Variants in ASB7 observed in about 807,000 individuals in gnomAD.
The protein encoded by ASB7 is ankyrin repeat and SOCS box protein 7.
Under a neutral mutation model 32.5 loss-of-function variants are expected in ASB7, and 4 were observed. The observed-to-expected ratio is 0.12, with a 90% CI of 0.06 to 0.28. ASB7 has a LOEUF of 0.28. Ranked by LOEUF, ASB7 falls within the 10% of genes least tolerant of loss-of-function variation. The pLI, the probability that ASB7 is intolerant of heterozygous loss-of-function variation, is 1.00. For missense variants in ASB7, 181 were observed against 407.1 expected, an observed-to-expected ratio of 0.44 and a Z score of 4.78; for synonymous variants, 172 against 155.6, an observed-to-expected ratio of 1.11 and a Z score of -0.78.
intron 4 of ASB7, among the ~76,000 whole-genome samples, chr15:100,614,236 T>G (rs1324440942): frequency 6.8e-6 from 1 of 146,142 alleles, no homozygotes. Context: ...ATCATGCCAC[T>G]GCACTCCTGC....
chr15:100,620,149 C>T (rs1054573527), intron 4 of ASB7, among the ~76,000 whole-genome samples: 6 of 152,134 alleles, frequency 3.9e-5, no homozygotes, highest in Non-Finnish European at 7.3e-5. Flanking sequence ...TACTCAAGTC[C>T]GTGGTAGAAA....
intron 4 of ASB7, 187 bp downstream of exon 4, chr15:100,612,614 G>A (rs2039707054): frequency 1.6e-6 from 1 of 630,758 alleles, no homozygotes; most frequent in East Asian, 2.8e-5. Context: ...TAAAAGATCA[G>A]TTTTATGAAT....
intron 3 of ASB7, among the ~76,000 whole-genome samples, chr15:100,610,507 G>A (rs200696916): frequency 1.4e-5 from 2 of 142,580 alleles, no homozygotes; most frequent in African/African-American, 2.6e-5. Flanking sequence ...AAAAAAAAAA[G>A]AGGCAATCTT....
intron 5 of ASB7, among the ~76,000 whole-genome samples, chr15:100,636,103 T>C (rs1285160320): frequency 1.3e-5 from 2 of 152,210 alleles, no homozygotes; most frequent in African/African-American, 4.8e-5. Context: ...ACCATTTCAG[T>C]GTTCGTCAAA....
chr15:100,613,820 C>G (rs1405579529), intron 4 of ASB7, among the ~76,000 whole-genome samples: 6 of 152,152 alleles, frequency 3.9e-5, no homozygotes, highest in Admixed American at 1.3e-4. Context: ...TCAAATGAAG[C>G]AAATCTTCAG....
At position 100,648,425 on chromosome 15, in the gene ASB7, T is replaced by C. The variant is rs753785778; in HGVS notation, c.920T>C (p.Met307Thr). The C allele has an allele frequency of 1.3e-5, 21 of 1,609,946 alleles. No individual in the cohort carries two copies. In the African/African-American group the frequency reaches 2.8e-4, roughly 22 times the overall value. ...LLDELPIAKV[M>T]KDYLKHKFDD... ...GATGAACTACCAATTGCCAAGGTCA[T>C]GAAAGACTACTTAAAACACAAATTT... is the stretch of plus-strand genomic sequence containing the variant. The change falls in exon 6 of 6, where the codon ATG (methionine) becomes ACG (threonine). Residue 307 changes from methionine to threonine, a missense_variant. By Grantham distance (81) the Met-to-Thr change is moderately conservative. Coordinates refer to ENST00000332783, the MANE Select transcript of ASB7 (RefSeq NM_198243.3).
intron 5 of ASB7, among the ~76,000 whole-genome samples, chr15:100,630,744 T>C (rs2039877409): frequency 6.6e-6 from 1 of 152,306 alleles, no homozygotes; most frequent in South Asian, 2.1e-4. Context: ...TAGTTGTTCC[T>C]CTGATGGGGT....
chr15:100,608,418 T>C (rs1249787048), intron 2 of ASB7, among the ~76,000 whole-genome samples: 1 of 152,232 alleles, frequency 6.6e-6, no homozygotes, highest in Non-Finnish European at 1.5e-5. Flanking sequence ...AATCAGTTAT[T>C]TGTATCAATG....
intron 5 of ASB7, chr15:100,645,671 G>A (rs2039992989): frequency 7.0e-6 from 10 of 1,419,052 alleles, no homozygotes; most frequent in Admixed American, 3.4e-5. Flanking sequence ...GGTTAGGGAC[G>A]GCAACACGAA....
rs1202930394 is a variant in ASB7 at position 100,602,950 on chromosome 15, C to T, written c.-369C>T. On this transcript the variant is annotated 5_prime_UTR_variant, in exon 1 of 6. Coordinates refer to ENST00000332783, the MANE Select transcript of ASB7 (RefSeq NM_198243.3). ...AGGCACCGAGGAGGATCAGGAACAC[C>T]AGGGTCCGGCCCTGCCTGGGGTATT... The T allele has an allele frequency of 1.8e-5, 7 of 398,938 alleles. No homozygotes were observed. The highest frequency in any genetic ancestry group is 2.7e-5 in the Non-Finnish European group (6 of 226,406). 24.7% of individuals were successfully genotyped at this position (398,938 alleles called of 1,614,324 possible). A position where few individuals can be genotyped will look rare whatever the true frequency, so the allele number is the denominator to read the frequency against.
rs183134217 is a variant in ASB7, at chr15:100,640,576, A to G, written c.818-7747A>G. On this transcript the variant is annotated intron_variant, in intron 5 of 5. Coordinates refer to ENST00000332783, the MANE Select transcript of ASB7 (RefSeq NM_198243.3). ...GCAATCCAGAGGACGCAAATCTTTC[A>G]CTTCTTCCTTTGTGCCTCCCTCCAC... 7.2e-5 allele frequency among the ~76,000 whole-genome samples: 11 copies of G among 152,242 alleles called. 1 individual carries two copies. The highest frequency in any genetic ancestry group is 7.2e-4 in the Admixed American group (11 of 15,302).
chr15:100,641,065 C>T (rs969638468), intron 5 of ASB7, among the ~76,000 whole-genome samples: 10 of 144,178 alleles, frequency 6.9e-5, no homozygotes, highest in South Asian at 2.3e-4. Flanking sequence ...GTTATGATCC[C>T]GTGCACAGGG....
intron 5 of ASB7, among the ~76,000 whole-genome samples, chr15:100,636,077 A>G (rs755955677): frequency 6.6e-5 from 10 of 152,158 alleles, no homozygotes; most frequent in East Asian, 3.8e-4. Flanking sequence ...AGACCAGTCA[A>G]TTCACAGTCA....
At chr15:100,625,796 CAG>C (rs545772296) in intron 4 of ASB7, among the ~76,000 whole-genome samples, 154 of 152,270 alleles carry the variant, frequency 1.0e-3, no homozygotes, top group African/African-American at 3.5e-3. Flanking sequence ...GTAGTCAAGA[CAG>C]TGTGGGATTG....
chr15:100,628,984 A>G (rs1021385653), intron 4 of ASB7, among the ~76,000 whole-genome samples: 13 of 152,226 alleles, frequency 8.5e-5, no homozygotes, highest in African/African-American at 3.1e-4. Flanking sequence ...GTGCCAGAGC[A>G]TAGTGTATCT....
intron 5 of ASB7, among the ~76,000 whole-genome samples, chr15:100,643,122 G>A (rs2039972541): frequency 6.6e-6 from 1 of 152,172 alleles, no homozygotes; most frequent in Admixed American, 6.5e-5. Flanking sequence ...AGCTCAGCCA[G>A]GGTTGTCTGT....
chr15:100,632,707 A>T (rs573203799), intron 5 of ASB7, among the ~76,000 whole-genome samples: 12 of 152,294 alleles, frequency 7.9e-5, no homozygotes, highest in African/African-American at 2.6e-4. Context: ...GGTGGTCTTC[A>T]TTCAGGGACA....
chr15:100,641,683 C>T (rs2039962587), intron 5 of ASB7, among the ~76,000 whole-genome samples: 1 of 152,202 alleles, frequency 6.6e-6, no homozygotes, highest in Non-Finnish European at 1.5e-5. Flanking sequence ...AAACTGTCAT[C>T]TAGTTTTCTT....
chr15:100,632,747 G>A (rs1179245933), intron 5 of ASB7, among the ~76,000 whole-genome samples: 1 of 151,134 alleles, frequency 6.6e-6, no homozygotes, highest in Non-Finnish European at 1.5e-5. Context: ...GTTTTGCCTA[G>A]AAACAGATTA....
Sources: allele counts gnomAD v4.1 joint callset (sites outside exome capture counted in the v4.1 genomes callset), GRCh38; gene constraint gnomAD v4.1.1; transcripts MANE v1.5; gene names NCBI Gene and HGNC (gene_info 2026-07-23, HGNC 2026-07-21).